The following TRIM44 variants were observed in gnomAD, a reference collection of about 807,000 sequenced individuals.
TRIM44 encodes tripartite motif containing 44, also known as tripartite motif-containing protein 44.
Under a neutral mutation model 37.4 loss-of-function variants are expected in TRIM44, and 13 were observed. That is an observed-to-expected ratio of 0.35 (90% CI 0.23 to 0.55). The LOEUF (loss-of-function observed/expected upper bound fraction) is 0.55, where lower values mean the gene tolerates loss of function less well. TRIM44 is among the 20% of genes least tolerant of loss of function. TRIM44 has a pLI of 0.89. For missense variants in TRIM44, 426 were observed against 437.2 expected, an observed-to-expected ratio of 0.97 and a Z score of 0.23; for synonymous variants, 175 against 157.2, an observed-to-expected ratio of 1.11 and a Z score of -0.85.
chr11:35,731,608 A>AT (rs34621355), intron 3 of TRIM44, among the ~76,000 whole-genome samples: 16 of 150,700 alleles, frequency 1.1e-4, no homozygotes, highest in Non-Finnish European at 4.4e-5. Context: ...CTTCTCCTTT[A>AT]TTTTTTTTTC....
chr11:35,791,263 C>T (rs980773952), intron 4 of TRIM44, among the ~76,000 whole-genome samples: 21 of 152,170 alleles, frequency 1.4e-4, no homozygotes, highest in African/African-American at 3.9e-4. Flanking sequence ...TGCCTGCTGG[C>T]CCCCATGTAG....
At chr11:35,708,680 A>G (rs1205557845) in intron 2 of TRIM44, among the ~76,000 whole-genome samples, 2 of 151,818 alleles carry the variant, frequency 1.3e-5, no homozygotes, top group African/African-American at 2.4e-5. Context: ...CAAACACTGC[A>G]TATTCTCACT....
At chr11:35,705,553 G>A (rs576436229) in intron 2 of TRIM44, among the ~76,000 whole-genome samples, 22 of 151,982 alleles carry the variant, frequency 1.4e-4, no homozygotes, top group Non-Finnish European at 2.2e-4. Context: ...AGAAATTATA[G>A]CAAACTGTCT....
chr11:35,695,076 T>C (rs1447303125), intron 2 of TRIM44, among the ~76,000 whole-genome samples: 1 of 152,146 alleles, frequency 6.6e-6, no homozygotes, highest in Non-Finnish European at 1.5e-5. Context: ...ACCTGAAGCT[T>C]TGATTGTTTT....
rs185843844 is a variant in TRIM44, at chr11:35,772,322, G to A, written c.1008-34036G>A. ...TGTGGGGTTGGAGCCCCTACACAGA[G>A]TCCCTACTGGGGCACTGCCTAGTGG... is the stretch of plus-strand genomic sequence containing the variant. On this transcript the variant is annotated intron_variant, in intron 4 of 4. Coordinates refer to ENST00000299413, the MANE Select transcript of TRIM44 (RefSeq NM_017583.6). Among the ~76,000 whole-genome samples the A allele has an allele frequency of 4.6e-5, 7 of 152,332 alleles. No individual in the cohort carries two copies. The East Asian group carries it at 1.3e-3, about 29-fold the overall frequency.
intron 2 of TRIM44, among the ~76,000 whole-genome samples, chr11:35,690,770 T>TATCTTGTAATTGTAATTGTA (rs2135493748): frequency 6.6e-6 from 1 of 152,362 alleles, no homozygotes; most frequent in East Asian, 1.9e-4. Context: ...AATTGATATG[T>TATCTTGTAATTGTAATTGTA]ATTATCTATT....
chr11:35,717,272 T>C (rs539433624), intron 2 of TRIM44, among the ~76,000 whole-genome samples: 2 of 152,188 alleles, frequency 1.3e-5, no homozygotes, highest in Non-Finnish European at 1.5e-5. Flanking sequence ...GTTTAAAGAC[T>C]AAGGGGTGTC....
chr11:35,750,002 G>T (rs1445829608), intron 4 of TRIM44, among the ~76,000 whole-genome samples: 1 of 152,102 alleles, frequency 6.6e-6, no homozygotes, highest in Non-Finnish European at 1.5e-5. Context: ...TTACTCCTTT[G>T]TTCTAAGAAA....
chr11:35,799,100 G>A (rs1853331798), intron 4 of TRIM44, among the ~76,000 whole-genome samples: 1 of 152,202 alleles, frequency 6.6e-6, no homozygotes, highest in African/African-American at 2.4e-5. Flanking sequence ...AGAGCAGATG[G>A]GACACTGGCA....
Position 35,806,489 on chromosome 11 carries a change from G to A in TRIM44, c.*104G>A, listed in dbSNP as rs1853450945. 6 of 1,276,506 alleles carry A rather than the reference G, an allele frequency of 4.7e-6. No homozygotes were observed. The highest frequency in any genetic ancestry group is 5.7e-6 in the Non-Finnish European group (5 of 876,752). 79.1% of individuals were successfully genotyped at this position (1,276,506 alleles called of 1,614,324 possible). Reference sequence around the variant, plus strand: ...CTGTGAAAGCTGCTCAGCAACAAACGTACTTCCACCAGATGTGTCCCCAGA... The same window carrying A: ...CTGTGAAAGCTGCTCAGCAACAAACATACTTCCACCAGATGTGTCCCCAGA... On this transcript the variant is annotated 3_prime_UTR_variant, in exon 5 of 5. Transcript: ENST00000299413.
rs778016892 is a variant in TRIM44, at chr11:35,806,431, A to T, written c.*46A>T. The T allele has an allele frequency of 1.2e-6, 2 of 1,607,920 alleles. No homozygotes were observed. The highest frequency in any genetic ancestry group is 1.7e-6 in the Non-Finnish European group (2 of 1,174,700). ...AAAATCATCCCCTCCCCTTGTGTGT[A>T]TGTGACAGCGTGTATGTAACGGCTT... On this transcript the variant is annotated 3_prime_UTR_variant, in exon 5 of 5. Coordinates refer to ENST00000299413, the MANE Select transcript of TRIM44 (RefSeq NM_017583.6).
chr11:35,697,357 TC>T (rs778965815), intron 2 of TRIM44, among the ~76,000 whole-genome samples: 46 of 151,672 alleles, frequency 3.0e-4, no homozygotes, highest in Non-Finnish European at 5.3e-4. Context: ...AATGATGGTT[TC>T]CAGCTGCATC....
chr11:35,687,842 G>A (rs1458659414), intron 2 of TRIM44, among the ~76,000 whole-genome samples: 1 of 151,944 alleles, frequency 6.6e-6, no homozygotes, highest in Non-Finnish European at 1.5e-5. Flanking sequence ...TCTTTTTTAC[G>A]TTCTTTTTAT....
intron 4 of TRIM44, among the ~76,000 whole-genome samples, chr11:35,743,806 A>G (rs1427125940): frequency 4.0e-5 from 6 of 151,660 alleles, no homozygotes; most frequent in Non-Finnish European, 8.8e-5. Context: ...CTAATCTGCC[A>G]TGGATACAGG....
In TRIM44 at chr11:35,662,805, G is replaced by C. The variant is rs972753778; in HGVS notation, c.-307G>C. Reference sequence around the variant, plus strand: ...CTGCCGCGATCTCTCCCTGGTAGCGGGAGGCTGAGCGGGCGGCGCGACGCG... The same window carrying C: ...CTGCCGCGATCTCTCCCTGGTAGCGCGAGGCTGAGCGGGCGGCGCGACGCG... On this transcript the variant is annotated 5_prime_UTR_variant, in exon 1 of 5. Coordinates refer to ENST00000299413, the MANE Select transcript of TRIM44 (RefSeq NM_017583.6). 2.0e-5 allele frequency: 5 copies of C among 250,884 alleles called. No individual in the cohort carries two copies. The highest frequency in any genetic ancestry group is 3.0e-5 in the Non-Finnish European group (4 of 134,004). 15.5% of individuals were successfully genotyped at this position (250,884 alleles called of 1,614,324 possible). A position where few individuals can be genotyped will look rare whatever the true frequency, so the allele number is the denominator to read the frequency against.
At chr11:35,787,247 C>T (rs2133875226) in intron 4 of TRIM44, among the ~76,000 whole-genome samples, 1 of 152,274 alleles carries the variant, frequency 6.6e-6, no homozygotes, top group South Asian at 2.1e-4. Context: ...CGCCTCCTTG[C>T]CACCTTGGGT....
chr11:35,788,992 A>G (rs1279993727), intron 4 of TRIM44, among the ~76,000 whole-genome samples: 1 of 152,184 alleles, frequency 6.6e-6, no homozygotes, highest in Non-Finnish European at 1.5e-5. Flanking sequence ...CCCTAAAAAT[A>G]GTTTTTTTAT....
intron 2 of TRIM44, among the ~76,000 whole-genome samples, chr11:35,715,700 G>A (rs936652007): frequency 7.9e-5 from 12 of 152,088 alleles, no homozygotes; most frequent in Non-Finnish European, 4.4e-5. Flanking sequence ...CTGAGACTGG[G>A]TAATTTACAA....
intron 4 of TRIM44, among the ~76,000 whole-genome samples, chr11:35,771,214 G>A (rs995916031): frequency 3.9e-5 from 6 of 152,154 alleles, no homozygotes; most frequent in African/African-American, 1.4e-4. Context: ...TGAACAATAA[G>A]GTCCAGACTG....
Sources: allele counts gnomAD v4.1 joint callset (sites outside exome capture counted in the v4.1 genomes callset), GRCh38; gene constraint gnomAD v4.1.1; transcripts MANE v1.5; gene names NCBI Gene and HGNC (gene_info 2026-07-23, HGNC 2026-07-21).